Variants in C1orf167 observed in about 807,000 individuals in gnomAD.
C1orf167 encodes uncharacterized protein C1orf167.
A neutral mutation model predicts 176.5 loss-of-function variants in C1orf167; 153 were observed. That is an observed-to-expected ratio of 0.87 (90% confidence interval 0.76 to 0.99). The LOEUF (loss-of-function observed/expected upper bound fraction) is 0.99, where lower values mean the gene tolerates loss of function less well. C1orf167 is among the 50% of genes least tolerant of loss of function. The probability of loss-of-function intolerance (pLI) is 0.00; values close to 1 mark genes in which losing one functional copy is unlikely to be tolerated. For synonymous variants in C1orf167, 594 were observed against 752.7 expected, an observed-to-expected ratio of 0.79 and a Z score of 3.45; for missense variants, 1,490 against 1,817.7, an observed-to-expected ratio of 0.82 and a Z score of 3.28.
chr1:11,768,537 G>A lies in C1orf167; in HGVS notation c.1542+262G>A, dbSNP rs1479933266. ...GCCCCAGTCTCTTTATCTCTAAAAT[G>A]GGATGATGATGATAATAGAACATAC... is the stretch of plus-strand genomic sequence containing the variant. On this transcript the variant is annotated intron_variant, in intron 5 of 20. Transcript: ENST00000688073. This position sits in a 1 kb window ranked among gnomAD's most constrained non-coding sequence, Gnocchi z 4.5. 1.3e-5 allele frequency among the ~76,000 whole-genome samples: 2 copies of A among 152,168 alleles called. No individual in the cohort carries two copies. The highest frequency in any genetic ancestry group is 1.3e-4 in the Admixed American group (2 of 15,280).
In C1orf167 at chr1:11,778,739, G is replaced by A. The variant is rs1643447693; in HGVS notation, c.2419G>A (p.Ala807Thr). ...WWHLRALGPD[A>T]TSSCTKTPSA... is the part of the protein sequence containing the mutation. ...GCACTTGAGGGCACTGGGCCCAGAT[G>A]CCACATCAAGCTGCACCAAGACCCC... The change falls in exon 11 of 21, where the codon GCC becomes ACC. Residue 807 changes from alanine (A) to threonine (T), a missense_variant. Coordinates refer to ENST00000688073, the MANE Select transcript of C1orf167 (RefSeq NM_001010881.2). The A allele has an allele frequency of 7.7e-7, 1 of 1,303,936 alleles. No individual in the cohort carries two copies. Among genetic ancestry groups the A allele is most frequent in the Non-Finnish European group, 1.0e-6 (1 of 988,852 alleles). The allele number at this position is 1,303,936 out of a possible 1,614,324, so 80.8% of individuals were successfully genotyped here. A position where few individuals can be genotyped will look rare whatever the true frequency, so the allele number is the denominator to read the frequency against.
At position 11,785,142 on chromosome 1, in the gene C1orf167, C is replaced by T; in HGVS notation, c.3426-6C>T. The T allele has an allele frequency of 7.8e-7, 1 of 1,284,858 alleles. No homozygotes were observed. The highest frequency in any genetic ancestry group is 1.0e-6 in the Non-Finnish European group (1 of 983,928). 79.6% of individuals were successfully genotyped at this position (1,284,858 alleles called of 1,614,324 possible). On this transcript the variant is annotated splice_region_variant and splice_polypyrimidine_tract_variant and intron_variant, in intron 15 of 20. Transcript: ENST00000688073. ...CCCTGGCTGCAGACTCCTTCCTCTC[C>T]CGCAGGGTCCTAGAGGCCTCGGTGC...
rs1336010332 is a variant in C1orf167, at chr1:11,784,460, G to A, written c.3292G>A (p.Ala1098Thr). 1 of 1,303,500 alleles carries A rather than the reference G, an allele frequency of 7.7e-7. No homozygotes were observed. The highest frequency in any genetic ancestry group is 1.2e-5 in the South Asian group (1 of 80,994). 80.7% of individuals were successfully genotyped at this position (1,303,500 alleles called of 1,614,324 possible). ...WPVAPGMHHE[A>T]QQQAGESAGA... is the part of the protein sequence containing the mutation. Reference sequence around the variant, plus strand: ...AGTGGCCCCGGGCATGCACCATGAGGCCCAGCAGCAGGCAGGAGAGAGCGC... The same window carrying A: ...AGTGGCCCCGGGCATGCACCATGAGACCCAGCAGCAGGCAGGAGAGAGCGC... The change falls in exon 15 of 21, where the codon GCC becomes ACC. Residue 1098 changes from alanine (A) to threonine (T), a missense_variant. Coordinates refer to ENST00000688073, the MANE Select transcript of C1orf167 (RefSeq NM_001010881.2).
intron 13 of C1orf167, among the ~76,000 whole-genome samples, chr1:11,781,302 C>A (rs1643592400): frequency 6.6e-6 from 1 of 152,100 alleles, no homozygotes; most frequent in African/African-American, 2.4e-5. Context: ...CCGGCCCCAA[C>A]CAGTCTCTTT....
intron 6 of C1orf167, 48 bp downstream of exon 6, chr1:11,769,175 C>G (rs901285457): frequency 7.1e-6 from 7 of 982,256 alleles, no homozygotes; most frequent in Admixed American, 6.2e-5. Context: ...TCCCCAACTT[C>G]CTGCCTTGCC....
intron 11 of C1orf167, 36 bp from the exon 12 acceptor site, chr1:11,778,890 G>C: frequency 7.7e-7 from 1 of 1,299,274 alleles, no homozygotes; most frequent in Non-Finnish European, 1.0e-6. Flanking sequence ...AAGGGGACAG[G>C]GTAGGGGACC....
rs1404667362 is a variant in C1orf167 at position 11,766,362 on chromosome 1, G to A, written c.576G>A (p.Gly192=). The A allele has an allele frequency of 1.6e-6, 2 of 1,270,640 alleles. No homozygotes were observed. Among genetic ancestry groups the A allele is most frequent in the South Asian group, 1.3e-5 (1 of 79,178 alleles). The allele number at this position is 1,270,640 out of a possible 1,614,324, so 78.7% of individuals were successfully genotyped here. A position where few individuals can be genotyped will look rare whatever the true frequency, so the allele number is the denominator to read the frequency against. ...RPTEAFAPLD[G]HTQPGLRSWG... ...CTGAAGCCTTTGCCCCTCTCGATGG[G>A]CATACACAGCCAGGCCTCAGATCCT... Residue 192 remains glycine, a synonymous_variant, in exon 3 of 21, where the codon GGG becomes GGA. Transcript: ENST00000688073. The surrounding 1 kb of genome is among the most constrained non-coding windows in gnomAD (Gnocchi z 4.5).
chr1:11,774,454 G>T (rs1643219099), intron 8 of C1orf167, among the ~76,000 whole-genome samples: 1 of 152,220 alleles, frequency 6.6e-6, no homozygotes, highest in Non-Finnish European at 1.5e-5. Flanking sequence ...TCTGCATTTT[G>T]CTGACTACAT....
chr1:11,774,536 T>C (rs556893519), intron 8 of C1orf167, among the ~76,000 whole-genome samples: 14 of 152,270 alleles, frequency 9.2e-5, no homozygotes, highest in African/African-American at 3.4e-4. Flanking sequence ...AGTGGTGATG[T>C]GAAGGATGAA....
At chr1:11,775,353 T>C in intron 8 of C1orf167, 82 bp from the exon 9 acceptor site, 1 of 1,089,862 alleles carries the variant, frequency 9.2e-7, no homozygotes, top group Non-Finnish European at 1.2e-6. Flanking sequence ...GCCTGGGTAG[T>C]GTGTCTGGCA....
chr1:11,771,236 T>C (rs1643062314), intron 6 of C1orf167, among the ~76,000 whole-genome samples: 1 of 151,172 alleles, frequency 6.6e-6, no homozygotes, highest in Non-Finnish European at 1.5e-5. Context: ...TATTTTTAAA[T>C]TGAACAAATG....
At chr1:11,781,124 C>T (rs142742026) in intron 13 of C1orf167, among the ~76,000 whole-genome samples, 78 of 151,672 alleles carry the variant, frequency 5.1e-4, no homozygotes, top group African/African-American at 1.6e-3. Flanking sequence ...CAGCTCCCCT[C>T]GTAGCTGGGA....
chr1:11,784,165 G>T lies in C1orf167; in HGVS notation c.3006-9G>T. 1 of 1,220,740 alleles carries T rather than the reference G, an allele frequency of 8.2e-7. No individual in the cohort carries two copies. The highest frequency in any genetic ancestry group is 1.1e-6 in the Non-Finnish European group (1 of 947,800). The allele number at this position is 1,220,740 out of a possible 1,614,324, so 75.6% of individuals were successfully genotyped here. A position where few individuals can be genotyped will look rare whatever the true frequency, so the allele number is the denominator to read the frequency against. On this transcript the variant is annotated splice_polypyrimidine_tract_variant and intron_variant, in intron 14 of 20. Coordinates refer to ENST00000688073, the MANE Select transcript of C1orf167 (RefSeq NM_001010881.2). Reference sequence around the variant, plus strand: ...CCACCACACCTGGCCCAATGTGTCTGTTTTGCAGCTACTTCCAGGCCTGGT... The same window carrying T: ...CCACCACACCTGGCCCAATGTGTCTTTTTTGCAGCTACTTCCAGGCCTGGT...
chr1:11,766,889 G>A lies in C1orf167; in HGVS notation c.1103G>A (p.Arg368Lys). 4.8e-6 allele frequency: 6 copies of A among 1,257,520 alleles called. No homozygotes were observed. Among genetic ancestry groups the A allele is most frequent in the Non-Finnish European group, 6.2e-6 (6 of 971,364 alleles). The allele number at this position is 1,257,520 out of a possible 1,614,324, so 77.9% of individuals were successfully genotyped here. A position where few individuals can be genotyped will look rare whatever the true frequency, so the allele number is the denominator to read the frequency against. ...TGGTCTCAAGATGGCAGGGCACAGA[G>A]GGGTGACCCCAGTCTCCCTCGAGGG... ...SPWSQDGRAQ[R>K]GDPSLPRGVG... The change falls in exon 3 of 21, where the codon AGG becomes AAG. Residue 368 changes from arginine (R) to lysine (K), a missense_variant. Coordinates refer to ENST00000688073, the MANE Select transcript of C1orf167 (RefSeq NM_001010881.2). This position sits in a 1 kb window ranked among gnomAD's most constrained non-coding sequence, Gnocchi z 4.5.
Position 11,768,949 on chromosome 1 carries a change from CTT to C in C1orf167, c.1543-22_1543-21del, listed in dbSNP as rs879868043. ...GAGGCAGATTCAAGGCCAACATCTCCTTTCCCCTTCTCTCTTGAGCCAGTGGA... is the reference window on the plus strand; with the variant it reads ...GAGGCAGATTCAAGGCCAACATCTCCTCCCCTTCTCTCTTGAGCCAGTGGA... On this transcript the variant is annotated intron_variant, in intron 5 of 20. Transcript: ENST00000688073. This position sits in a 1 kb window ranked among gnomAD's most constrained non-coding sequence, Gnocchi z 4.5. The C allele has an allele frequency of 4.7e-5, 46 of 985,874 alleles. No homozygotes were observed. The highest frequency in any genetic ancestry group is 5.4e-5 in the Non-Finnish European group (45 of 830,022). The allele number at this position is 985,874 out of a possible 1,614,324, so 61.1% of individuals were successfully genotyped here.
At position 11,788,000 on chromosome 1, in the gene C1orf167, G is replaced by A; in HGVS notation, c.3801G>A (p.Glu1267=). 6 of 1,303,806 alleles carry A rather than the reference G, an allele frequency of 4.6e-6. No individual in the cohort carries two copies. Among genetic ancestry groups the A allele is most frequent in the Non-Finnish European group, 6.1e-6 (6 of 988,700 alleles). 80.8% of individuals were successfully genotyped at this position (1,303,806 alleles called of 1,614,324 possible). A position where few individuals can be genotyped will look rare whatever the true frequency, so the allele number is the denominator to read the frequency against. ...GACCAAGAGCGCACTCCAGCCCTGA[G>A]CCCAGAGCCTGCAAAGCCCAAAGCA... is the stretch of plus-strand genomic sequence containing the variant. ...DQGPRAHSSP[E]PRACKAQSKA... is the part of the protein sequence containing the mutation. Residue 1267 remains glutamate, a synonymous_variant, in exon 18 of 21, where the codon GAG becomes GAA. Coordinates refer to ENST00000688073, the MANE Select transcript of C1orf167 (RefSeq NM_001010881.2).
At position 11,766,891 on chromosome 1, in the gene C1orf167, G is replaced by A; in HGVS notation, c.1105G>A (p.Gly369Ser). 3.2e-6 allele frequency: 4 copies of A among 1,253,894 alleles called. No homozygotes were observed. Among genetic ancestry groups the A allele is most frequent in the Middle Eastern group, 2.3e-4 (1 of 4,430 alleles). 77.7% of individuals were successfully genotyped at this position (1,253,894 alleles called of 1,614,324 possible). ...PWSQDGRAQR[G>S]DPSLPRGVGS... ...GTCTCAAGATGGCAGGGCACAGAGG[G>A]GTGACCCCAGTCTCCCTCGAGGGGT... is the stretch of plus-strand genomic sequence containing the variant. The change falls in exon 3 of 21, where the codon GGT becomes AGT. Residue 369 changes from glycine to serine, a missense_variant. Physicochemically the swap from Gly to Ser is moderately conservative, Grantham distance 56. Transcript: ENST00000688073. This position sits in a 1 kb window ranked among gnomAD's most constrained non-coding sequence, Gnocchi z 4.5.
intron 14 of C1orf167, 37 bp from the exon 15 acceptor site, chr1:11,784,137 G>A (rs1394461919): frequency 9.1e-6 from 11 of 1,207,770 alleles, no homozygotes; most frequent in East Asian, 5.9e-5. Context: ...TTACAAGCAT[G>A]AGCCACCACA....
chr1:11,769,184 C>T (rs1249544164), intron 6 of C1orf167, 57 bp downstream of exon 6: 1 of 973,184 alleles, frequency 1.0e-6, no homozygotes. Context: ...TCCTGCCTTG[C>T]CCCCACTACT....
Sources: allele counts gnomAD v4.1 joint callset (sites outside exome capture counted in the v4.1 genomes callset), GRCh38; gene constraint gnomAD v4.1.1; non-coding constraint Gnocchi (gnomAD v3.1); transcripts MANE v1.5; gene names NCBI Gene and HGNC (gene_info 2026-07-23, HGNC 2026-07-21).